TRPS1: variants seen among roughly 807,000 people sequenced by gnomAD.
TRPS1 encodes the protein transcriptional repressor GATA binding 1.
In TRPS1, 6 loss-of-function variants were observed where a neutral mutation model predicts 101.2. The ratio of observed to expected loss-of-function variants is 0.06; its 90% CI spans 0.03 to 0.12. The LOEUF is 0.12. Among genes scored for constraint, TRPS1 ranks in the 10% least tolerant of loss-of-function variants. The pLI is 1.00. For synonymous variants in TRPS1, 578 were observed against 589.8 expected (o/e 0.98, Z 0.29); for missense variants, 1,363 against 1,567.0 (o/e 0.87, Z 2.20).
chr8:115,597,862 T>A (rs1586441636), intron 4 of TRPS1, among the ~76,000 whole-genome samples: 1 of 152,282 alleles, frequency 6.6e-6, no homozygotes, highest in Non-Finnish European at 1.5e-5. Context: ...TTAATAAAGA[T>A]ACCTCAATTT....
At chr8:115,660,610 C>T (rs567794316) in intron 1 of TRPS1, among the ~76,000 whole-genome samples, 1 of 151,004 alleles carries the variant, frequency 6.6e-6, no homozygotes, top group East Asian at 1.9e-4. Flanking sequence ...CCATGCTCCC[C>T]TCAAAAAAGA....
At chr8:115,531,335 T>C (rs1221017657) in intron 5 of TRPS1, among the ~76,000 whole-genome samples, 1 of 152,150 alleles carries the variant, frequency 6.6e-6, no homozygotes, top group Non-Finnish European at 1.5e-5. Flanking sequence ...TAATCAAAAA[T>C]GTTTGCAAAT....
At chr8:115,656,727 GGT>G (rs1811684918) in intron 1 of TRPS1, among the ~76,000 whole-genome samples, 1 of 151,898 alleles carries the variant, frequency 6.6e-6, no homozygotes, top group African/African-American at 2.4e-5. Context: ...ATCATAAAAA[GGT>G]GTGACAGGAG....
intron 5 of TRPS1, among the ~76,000 whole-genome samples, chr8:115,428,735 T>C (rs961125727): frequency 4.6e-5 from 7 of 152,086 alleles, no homozygotes; most frequent in African/African-American, 1.4e-4. Flanking sequence ...AATGGGGCAG[T>C]GGGAGACTAA....
At chr8:115,546,389 A>C (rs1421974916) in intron 5 of TRPS1, among the ~76,000 whole-genome samples, 1 of 152,104 alleles carries the variant, frequency 6.6e-6, no homozygotes, top group Non-Finnish European at 1.5e-5. Context: ...ATATTCTAAT[A>C]CACTTAAGTG....
At chr8:115,554,989 T>G (rs1208697198) in intron 5 of TRPS1, among the ~76,000 whole-genome samples, 1 of 152,144 alleles carries the variant, frequency 6.6e-6, no homozygotes, top group Non-Finnish European at 1.5e-5. Context: ...TGGTTCTACC[T>G]CAAACACTGA....
At chr8:115,576,631 A>C (rs778417356) in intron 5 of TRPS1, among the ~76,000 whole-genome samples, 18 of 152,130 alleles carry the variant, frequency 1.2e-4, no homozygotes, top group Non-Finnish European at 2.4e-4. Context: ...CTACATCACA[A>C]GGGAAGAGCA....
intron 5 of TRPS1, among the ~76,000 whole-genome samples, chr8:115,536,218 C>A (rs1193707253): frequency 6.6e-6 from 1 of 151,690 alleles, no homozygotes; most frequent in East Asian, 1.9e-4. Context: ...TTCTAGCTTA[C>A]CATAAAAATA....
intron 5 of TRPS1, among the ~76,000 whole-genome samples, chr8:115,572,270 T>C (rs182487713): frequency 2.6e-5 from 4 of 152,274 alleles, no homozygotes; most frequent in East Asian, 1.9e-4. Flanking sequence ...AGATTTTTAG[T>C]TGGAGTGAAA....
chr8:115,493,305 A>G (rs1473118785), intron 5 of TRPS1, among the ~76,000 whole-genome samples: 1 of 152,218 alleles, frequency 6.6e-6, no homozygotes. Flanking sequence ...TATAGCCTTT[A>G]AAACATATTG....
chr8:115,547,558 G>A (rs1816604615), intron 5 of TRPS1, among the ~76,000 whole-genome samples: 1 of 152,108 alleles, frequency 6.6e-6, no homozygotes, highest in South Asian at 2.1e-4. Flanking sequence ...GTTTCAAATA[G>A]AAGGCAGTCA....
At chr8:115,540,599 G>A (rs1816429259) in intron 5 of TRPS1, among the ~76,000 whole-genome samples, 1 of 151,234 alleles carries the variant, frequency 6.6e-6, no homozygotes, top group East Asian at 1.9e-4. Flanking sequence ...AGTTAAAGTG[G>A]GGAATCATAA....
rs995178062 is a variant in TRPS1, at chr8:115,606,994, T to C, written c.967-1992A>G. 2.6e-5 allele frequency among the ~76,000 whole-genome samples: 4 copies of C among 152,148 alleles called. No individual in the cohort carries two copies. In the South Asian group the frequency reaches 6.2e-4, roughly 24 times the overall value. On this transcript the variant is annotated intron_variant, in intron 3 of 6. Transcript: ENST00000395715. ...AAATTTTCTTGTTTAAGCTTTCACA[T>C]TGCATCTGCCTTGCCAAGCTTCCCT...
chr8:115,498,593 G>A (rs188422477), intron 5 of TRPS1, among the ~76,000 whole-genome samples: 3 of 151,632 alleles, frequency 2.0e-5, no homozygotes, highest in East Asian at 3.9e-4. Flanking sequence ...CCAGAAAAAC[G>A]ATGTAATGTA....
intron 1 of TRPS1, among the ~76,000 whole-genome samples, chr8:115,635,130 CAG>C (rs1292561031): frequency 6.6e-6 from 1 of 152,120 alleles, no homozygotes; most frequent in Non-Finnish European, 1.5e-5. Flanking sequence ...TTCTGATGAC[CAG>C]AATACTGCTT....
intron 3 of TRPS1, among the ~76,000 whole-genome samples, chr8:115,611,555 A>G (rs1022981434): frequency 2.0e-5 from 3 of 152,252 alleles, no homozygotes; most frequent in Non-Finnish European, 4.4e-5. Flanking sequence ...ACACAGAGGA[A>G]GAGCCCCTAA....
intron 5 of TRPS1, among the ~76,000 whole-genome samples, chr8:115,481,628 A>G (rs151002990): frequency 1.3e-4 from 20 of 152,294 alleles, no homozygotes; most frequent in African/African-American, 4.8e-4. Context: ...CAGTGTTTGA[A>G]GAAGCTCCTG....
chr8:115,518,839 C>T (rs1815787470), intron 5 of TRPS1, among the ~76,000 whole-genome samples: 2 of 151,826 alleles, frequency 1.3e-5, no homozygotes, highest in Non-Finnish European at 2.9e-5. Flanking sequence ...AACTTCTTCT[C>T]ACACAATATC....
At chr8:115,666,735 G>T (rs191015853) in intron 1 of TRPS1, among the ~76,000 whole-genome samples, 3 of 152,206 alleles carry the variant, frequency 2.0e-5, no homozygotes, top group African/African-American at 4.8e-5. Flanking sequence ...TTGTTGGAAG[G>T]TTCCTATTTT....
Sources: allele counts gnomAD v4.1 joint callset (sites outside exome capture counted in the v4.1 genomes callset), GRCh38; gene constraint gnomAD v4.1.1; transcripts MANE v1.5; gene names NCBI Gene and HGNC (gene_info 2026-07-23, HGNC 2026-07-21).